The following HK2 variants were observed in gnomAD, a reference collection of about 807,000 sequenced individuals.
HK2 encodes hexokinase-2.
A neutral mutation model predicts 92.9 loss-of-function variants in HK2; 42 were observed. The observed-to-expected ratio is 0.45, with a 90% confidence interval of 0.35 to 0.58. The LOEUF is 0.58. Ranked by LOEUF, HK2 falls within the 20% of genes least tolerant of loss-of-function variation. The pLI is 0.00. For synonymous variants in HK2, 422 were observed against 468.0 expected (o/e 0.90, Z 1.27); for missense variants, 978 against 1,245.1 (o/e 0.79, Z 3.23).
In HK2 at chr2:74,892,402, G is replaced by C. The variant is rs1294411552; in HGVS notation, c.*1461G>C. On this transcript the variant is annotated 3_prime_UTR_variant, in exon 18 of 18. Coordinates refer to ENST00000290573, the MANE Select transcript of HK2 (RefSeq NM_000189.5). ...AATGTTTTACAAGAATTGTCCATGTGCTTCCCTAGGCTGAGCTGGCATTGG... is the reference window on the plus strand; with the variant it reads ...AATGTTTTACAAGAATTGTCCATGTCCTTCCCTAGGCTGAGCTGGCATTGG... 6.6e-6 allele frequency: 1 copy of C among 152,108 alleles called. No individual in the cohort carries two copies. The highest frequency in any genetic ancestry group is 1.5e-5 in the Non-Finnish European group (1 of 68,032). 9.4% of individuals were successfully genotyped at this position (152,108 alleles called of 1,614,324 possible).
At chr2:74,853,200 A>G (rs1025081775) in intron 1 of HK2, among the ~76,000 whole-genome samples, 1 of 152,032 alleles carries the variant, frequency 6.6e-6, no homozygotes, top group East Asian at 1.9e-4. Flanking sequence ...AATCTACACA[A>G]AGAGTCCAGA....
intron 9 of HK2, among the ~76,000 whole-genome samples, chr2:74,879,728 T>G (rs1689335204): frequency 6.6e-6 from 1 of 152,238 alleles, no homozygotes; most frequent in Admixed American, 6.5e-5. Flanking sequence ...AGTTCCTGGC[T>G]GAACACGTTG....
chr2:74,864,514 G>T (rs546545703), intron 2 of HK2, among the ~76,000 whole-genome samples: 2 of 149,756 alleles, frequency 1.3e-5, no homozygotes, highest in African/African-American at 2.5e-5. Context: ...TCATTTGTTT[G>T]TTTTTTTTTT....
At chr2:74,867,805 C>T (rs781142470) in intron 3 of HK2, 21 bp downstream of exon 3, 3 of 1,613,746 alleles carry the variant, frequency 1.9e-6, no homozygotes, top group Non-Finnish European at 2.5e-6. Flanking sequence ...TCTCTCAGGG[C>T]AGCCCCTGGT....
intron 6 of HK2, 151 bp from the exon 7 acceptor site, chr2:74,874,115 A>C (rs1474618328): frequency 2.8e-6 from 3 of 1,056,976 alleles, no homozygotes; most frequent in Non-Finnish European, 2.9e-6. Context: ...GGGTGGCAGA[A>C]GATTAGACCA....
At chr2:74,878,255 G>C (rs1224572865) in intron 8 of HK2, among the ~76,000 whole-genome samples, 1 of 152,212 alleles carries the variant, frequency 6.6e-6, no homozygotes, top group Non-Finnish European at 1.5e-5. Flanking sequence ...CATGTTGAGA[G>C]TGGCTGACAG....
chr2:74,872,567 G>A (rs28363003), intron 4 of HK2, 148 bp downstream of exon 4: 68,174 of 626,222 alleles, frequency 0.11, 4,544 homozygotes, highest in East Asian at 0.23. Flanking sequence ...TGTGTATGTC[G>A]ATGGGGGGGC....
rs758827361 is a variant in HK2, at chr2:74,885,477, TTG to T, written c.1840-10_1840-9del. 1 of 1,590,672 alleles carries T rather than the reference TTG, an allele frequency of 6.3e-7. No individual in the cohort carries two copies. The highest frequency in any genetic ancestry group is 8.6e-7 in the Non-Finnish European group (1 of 1,158,892). ...CTCTTCCCTGATGTCCTTTCCATGC[TTG>T]TGTGTGATTTTTAGAGCATCCTCCT... On this transcript the variant is annotated splice_polypyrimidine_tract_variant and intron_variant, in intron 12 of 17. Transcript: ENST00000290573.
intron 1 of HK2, among the ~76,000 whole-genome samples, chr2:74,848,276 T>G (rs989177567): frequency 6.6e-6 from 1 of 152,218 alleles, no homozygotes; most frequent in African/African-American, 2.4e-5. Context: ...CACTCATTGA[T>G]CTATAATATG....
chr2:74,850,112 C>A (rs536944028), intron 1 of HK2, among the ~76,000 whole-genome samples: 1 of 152,328 alleles, frequency 6.6e-6, no homozygotes, highest in South Asian at 2.1e-4. Flanking sequence ...CAGTGTTGAT[C>A]AGAACAGGGC....
intron 3 of HK2, 68 bp from the exon 4 acceptor site, chr2:74,872,232 A>C: frequency 6.5e-7 from 1 of 1,549,084 alleles, no homozygotes; most frequent in Non-Finnish European, 8.9e-7. Flanking sequence ...GCTGAGCCTG[A>C]AGTGCATGCC....
chr2:74,883,800 T>C (rs1311958943), intron 12 of HK2, among the ~76,000 whole-genome samples: 1 of 152,202 alleles, frequency 6.6e-6, no homozygotes, highest in African/African-American at 2.4e-5. Flanking sequence ...TTACTTATTA[T>C]AACAAAGATA....
rs1467310540 is a variant in HK2 at position 74,834,579 on chromosome 2, G to A, written c.-2G>A. 1 of 1,613,902 alleles carries A rather than the reference G, an allele frequency of 6.2e-7. No individual in the cohort carries two copies. Among genetic ancestry groups the A allele is most frequent in the Non-Finnish European group, 8.5e-7 (1 of 1,179,836 alleles). The stretch of plus-strand genomic sequence containing the variant: ...AACTCTGCGCCGTCGGGCCGCGGCA[G>A]GATGATTGCCTCGCATCTGCTTGCC... On this transcript the variant is annotated 5_prime_UTR_variant, in exon 1 of 18. Coordinates refer to ENST00000290573, the MANE Select transcript of HK2 (RefSeq NM_000189.5). The surrounding 1 kb of genome is among the most constrained non-coding windows in gnomAD (Gnocchi z 4.2).
intron 1 of HK2, among the ~76,000 whole-genome samples, chr2:74,838,458 G>A (rs1688223273): frequency 6.6e-6 from 1 of 151,634 alleles, no homozygotes; most frequent in Admixed American, 6.5e-5. Context: ...AGGAGGGAGA[G>A]AGAAAGGGAG....
rs1189430930 is a variant in HK2, at chr2:74,857,966, C to CACCT, written c.226+3512_226+3515dup. 2.0e-5 allele frequency among the ~76,000 whole-genome samples: 3 copies of CACCT among 152,268 alleles called. No individual in the cohort carries two copies. In the East Asian group the frequency reaches 5.8e-4, roughly 29 times the overall value. On this transcript the variant is annotated intron_variant, in intron 2 of 17. Coordinates refer to ENST00000290573, the MANE Select transcript of HK2 (RefSeq NM_000189.5). ...AGGCTCGAGGCCTTTTCTCCAGGGG[C>CACCT]ACCTGTTCAGTGCCACCTTTCTCAG...
chr2:74,885,000 C>T (rs145310752), intron 12 of HK2, among the ~76,000 whole-genome samples: 4 of 152,310 alleles, frequency 2.6e-5, no homozygotes, highest in Non-Finnish European at 4.4e-5. Flanking sequence ...AATTAGGAGA[C>T]ATACACTGAC....
At chr2:74,869,310 G>GA (rs1340735005) in intron 3 of HK2, among the ~76,000 whole-genome samples, 1 of 152,158 alleles carries the variant, frequency 6.6e-6, no homozygotes, top group South Asian at 2.1e-4. Flanking sequence ...AAAACACTTG[G>GA]AAAAAAGGCT....
chr2:74,870,968 C>T (rs1438471046), intron 3 of HK2, among the ~76,000 whole-genome samples: 1 of 152,210 alleles, frequency 6.6e-6, no homozygotes, highest in Non-Finnish European at 1.5e-5. Flanking sequence ...TCCTGGGTCC[C>T]TCCTGCTGAC....
At chr2:74,862,453 G>A (rs186982750) in intron 2 of HK2, among the ~76,000 whole-genome samples, 6 of 152,364 alleles carry the variant, frequency 3.9e-5, no homozygotes, top group Admixed American at 3.3e-4. Context: ...AAGAGTGAAA[G>A]TTGTGCTGGG....
Sources: allele counts gnomAD v4.1 joint callset (sites outside exome capture counted in the v4.1 genomes callset), GRCh38; gene constraint gnomAD v4.1.1; non-coding constraint Gnocchi (gnomAD v3.1); transcripts MANE v1.5; gene names NCBI Gene and HGNC (gene_info 2026-07-23, HGNC 2026-07-21).